PIK3CD: variants seen among roughly 807,000 people sequenced by gnomAD.
The protein encoded by PIK3CD is phosphatidylinositol-4,5-bisphosphate 3-kinase catalytic subunit delta, also known as phosphatidylinositol 4,5-bisphosphate 3-kinase catalytic subunit delta isoform.
Under a neutral mutation model 122.9 loss-of-function variants are expected in PIK3CD, and 20 were observed. That is an observed-to-expected ratio of 0.16 (90% CI 0.11 to 0.24). PIK3CD has a LOEUF of 0.24. PIK3CD is among the 10% of genes least tolerant of loss of function. The pLI is 1.00. For missense variants in PIK3CD, 787 were observed against 1,406.3 expected, an observed-to-expected ratio of 0.56 and a Z score of 7.04; for synonymous variants, 596 against 593.4, an observed-to-expected ratio of 1.00 and a Z score of -0.06.
chr1:9,697,758 C>T (rs1341906044), intron 2 of PIK3CD, among the ~76,000 whole-genome samples: 4 of 151,750 alleles, frequency 2.6e-5, no homozygotes, highest in African/African-American at 9.7e-5. Context: ...GTGCTGAGCG[C>T]GGTGGCTCAC....
intron 23 of PIK3CD, among the ~76,000 whole-genome samples, chr1:9,725,196 G>T (rs1649324333): frequency 6.6e-6 from 1 of 152,218 alleles, no homozygotes; most frequent in Non-Finnish European, 1.5e-5. Flanking sequence ...CTGTGCTCAG[G>T]GCTGCGGGGC....
intron 2 of PIK3CD, among the ~76,000 whole-genome samples, chr1:9,705,110 T>G (rs1185869026): frequency 6.6e-6 from 1 of 152,114 alleles, no homozygotes; most frequent in Non-Finnish European, 1.5e-5. Context: ...AAGTCTTTGC[T>G]TAAAGAATAA....
At chr1:9,672,725 G>A (rs895305924) in intron 1 of PIK3CD, 1 of 152,098 alleles carries the variant, frequency 6.6e-6, no homozygotes, top group African/African-American at 2.4e-5. Context: ...CGTGCCTGGT[G>A]GAGAAACGAA....
intron 2 of PIK3CD, among the ~76,000 whole-genome samples, chr1:9,695,036 G>GA (rs1304060492): frequency 4.0e-5 from 6 of 149,934 alleles, no homozygotes; most frequent in South Asian, 2.1e-4. Flanking sequence ...CAAATGAACA[G>GA]AAAAAAAAAT....
chr1:9,676,218 C>T, intron 1 of PIK3CD, among the ~76,000 whole-genome samples: 1 of 151,954 alleles, frequency 6.6e-6, no homozygotes, highest in Non-Finnish European at 1.5e-5. Context: ...GTGTGAGCCA[C>T]CGCACCCAGC....
At position 9,720,482 on chromosome 1, in the gene PIK3CD, C is replaced by T; in HGVS notation, c.1471-129C>T. 6.7e-7 allele frequency: 1 copy of T among 1,502,026 alleles called. No individual in the cohort carries two copies. Among genetic ancestry groups the T allele is most frequent in the Non-Finnish European group, 9.0e-7 (1 of 1,116,108 alleles). 93.0% of individuals were successfully genotyped at this position (1,502,026 alleles called of 1,614,324 possible). Reference sequence around the variant, plus strand: ...ATCTCGTGAGTGGAGGCCAGAGCTGCTGTGGATGCGCCTCCATGCAGAGGA... The same window carrying T: ...ATCTCGTGAGTGGAGGCCAGAGCTGTTGTGGATGCGCCTCCATGCAGAGGA... On this transcript the variant is annotated intron_variant, in intron 11 of 23. Transcript: ENST00000377346. This position sits in a 1 kb window ranked among gnomAD's most constrained non-coding sequence, Gnocchi z 9.0.
At position 9,717,698 on chromosome 1, in the gene PIK3CD, T is replaced by C. The variant is rs1570367167; in HGVS notation, c.1020+72T>C. ...ACAAGGTGGCTGTATCCTGGAGGGGTAGCAGAGGAAGGAGGGGGATCACAT... is the reference window on the plus strand; with the variant it reads ...ACAAGGTGGCTGTATCCTGGAGGGGCAGCAGAGGAAGGAGGGGGATCACAT... On this transcript the variant is annotated intron_variant, in intron 8 of 23. Coordinates refer to ENST00000377346, the MANE Select transcript of PIK3CD (RefSeq NM_005026.5). The surrounding 1 kb of genome is among the most constrained non-coding windows in gnomAD (Gnocchi z 5.4). 1 of 1,363,934 alleles carries C rather than the reference T, an allele frequency of 7.3e-7. No homozygotes were observed. The highest frequency in any genetic ancestry group is 1.2e-5 in the South Asian group (1 of 84,062). 84.5% of individuals were successfully genotyped at this position (1,363,934 alleles called of 1,614,324 possible).
the PIK3CD span, among the ~76,000 whole-genome samples, chr1:9,640,080 C>T: frequency 6.6e-6 from 1 of 151,854 alleles, no homozygotes; most frequent in African/African-American, 2.4e-5. Context: ...GTTGTTCTAG[C>T]TTTGGCCACT....
At position 9,715,453 on chromosome 1, in the gene PIK3CD, C is replaced by T; in HGVS notation, c.142-88C>T. The T allele has an allele frequency of 8.6e-7, 1 of 1,164,858 alleles. No individual in the cohort carries two copies. The highest frequency in any genetic ancestry group is 2.5e-5 in the East Asian group (1 of 40,292). 72.2% of individuals were successfully genotyped at this position (1,164,858 alleles called of 1,614,324 possible). On this transcript the variant is annotated intron_variant, in intron 3 of 23. Transcript: ENST00000377346. The surrounding 1 kb of genome is among the most constrained non-coding windows in gnomAD (Gnocchi z 4.1). ...CCTCTGGGAGGTTTGGACCCCCAGG[C>T]TGGAGGCCAGCTCTCCACCCTCCCT...
intron 1 of PIK3CD, among the ~76,000 whole-genome samples, chr1:9,674,651 C>T (rs1339729647): frequency 4.1e-5 from 6 of 146,586 alleles, no homozygotes; most frequent in Non-Finnish European, 8.9e-5. Flanking sequence ...GATCATGCCA[C>T]TGCACCACTC....
rs781444461 is a variant in PIK3CD, at chr1:9,722,283, C to T, written c.2274C>T (p.Pro758=). 2 of 1,613,720 alleles carry T rather than the reference C, an allele frequency of 1.2e-6. No individual in the cohort carries two copies. The highest frequency in any genetic ancestry group is 1.7e-6 in the Non-Finnish European group (2 of 1,179,938). ...CCTTCATGGACTCCAAGATGAAGCC[C>T]CTGTGGATCATGTACAGCAACGAGG... The part of the protein sequence containing the change: ...QCTFMDSKMK[P]LWIMYSNEEA... The change falls in exon 18 of 24, where the codon CCC becomes CCT. Residue 758 remains proline, a synonymous_variant. Transcript: ENST00000377346. The surrounding 1 kb of genome is among the most constrained non-coding windows in gnomAD (Gnocchi z 7.6).
intron 23 of PIK3CD, 22 bp from the exon 24 acceptor site, chr1:9,726,887 C>T (rs1469728586): frequency 8.1e-6 from 13 of 1,613,554 alleles, no homozygotes; most frequent in African/African-American, 1.3e-5. Flanking sequence ...TTAACGTGGA[C>T]ACCGCTGTGA....
In PIK3CD at chr1:9,710,126, C is replaced by T. The variant is rs932442403; in HGVS notation, c.-32-298C>T. Reference sequence around the variant, plus strand: ...CCAGCTGGTGGCCATGACTGGCTTTCGTGGATGTGTATGTTCCTGAGGAAA... The same window carrying T: ...CCAGCTGGTGGCCATGACTGGCTTTTGTGGATGTGTATGTTCCTGAGGAAA... On this transcript the variant is annotated intron_variant, in intron 2 of 23. Transcript: ENST00000377346. The surrounding 1 kb of genome is among the most constrained non-coding windows in gnomAD (Gnocchi z 4.7). The T allele has an allele frequency of 2.6e-5, 10 of 386,450 alleles. No homozygotes were observed. The highest frequency in any genetic ancestry group is 8.6e-4 in the Middle Eastern group (1 of 1,166). The allele number at this position is 386,450 out of a possible 1,614,324, so 23.9% of individuals were successfully genotyped here. A position where few individuals can be genotyped will look rare whatever the true frequency, so the allele number is the denominator to read the frequency against.
intron 1 of PIK3CD, among the ~76,000 whole-genome samples, chr1:9,658,521 A>AT (rs1165670404): frequency 0.093 from 8,476 of 90,890 alleles, 683 homozygotes; most frequent in African/African-American, 0.16. Flanking sequence ...TCCCAGCCAC[A>AT]TTTTTTTTTT....
rs1646576139 is a variant in PIK3CD, at chr1:9,700,234, G to T, written c.-33+8663G>T. Among the ~76,000 whole-genome samples the T allele has an allele frequency of 6.6e-6, 1 of 152,070 alleles. No homozygotes were observed. Among genetic ancestry groups the T allele is most frequent in the Non-Finnish European group, 1.5e-5 (1 of 68,022 alleles). On this transcript the variant is annotated intron_variant, in intron 2 of 23. Transcript: ENST00000377346. The surrounding 1 kb of genome is among the most constrained non-coding windows in gnomAD (Gnocchi z 5.1). ...CAGCCTCCCCCTCGCAGGTTCAAGT[G>T]ATTCTCGTGGCTCAGCCTCCCAATA...
rs772145494 is a variant in PIK3CD, at chr1:9,723,516, T to TA, written c.2594+230dup. ...CAACACCATCCAAAGCGCAGGGCTTTAAAAAACAGCCATTTACGATTGGCT... is the reference window on the plus strand; with the variant it reads ...CAACACCATCCAAAGCGCAGGGCTTTAAAAAAACAGCCATTTACGATTGGCT... On this transcript the variant is annotated intron_variant, in intron 20 of 23. Coordinates refer to ENST00000377346, the MANE Select transcript of PIK3CD (RefSeq NM_005026.5). This position sits in a 1 kb window ranked among gnomAD's most constrained non-coding sequence, Gnocchi z 4.9. 3.5e-4 allele frequency among the ~76,000 whole-genome samples: 54 copies of TA among 152,160 alleles called. No individual in the cohort carries two copies. The highest frequency in any genetic ancestry group is 7.1e-4 in the Non-Finnish European group (48 of 68,022).
chr1:9,667,370 A>G (rs981865285), intron 1 of PIK3CD, among the ~76,000 whole-genome samples: 11 of 151,630 alleles, frequency 7.3e-5, no homozygotes, highest in African/African-American at 1.7e-4. Context: ...ATTGAATAAT[A>G]TTGAAAGAAT....
intron 1 of PIK3CD, among the ~76,000 whole-genome samples, chr1:9,659,212 G>A (rs527655184): frequency 1.3e-5 from 2 of 152,082 alleles, no homozygotes; most frequent in Non-Finnish European, 2.9e-5. Context: ...TAATGCACGC[G>A]GGGCTTAATA....
At chr1:9,698,179 G>T (rs1247674055) in intron 2 of PIK3CD, among the ~76,000 whole-genome samples, 1 of 151,856 alleles carries the variant, frequency 6.6e-6, no homozygotes, top group Non-Finnish European at 1.5e-5. Context: ...TTTCGCTCTT[G>T]TTGCCCAGGC....
Sources: gnomAD v4.1 joint callset for allele counts (sites outside exome capture counted in the v4.1 genomes callset) on GRCh38, gnomAD v4.1.1 for gene constraint, Gnocchi (gnomAD v3.1) non-coding constraint, MANE v1.5 for transcripts, NCBI Gene and HGNC (gene_info 2026-07-23, HGNC 2026-07-21) for gene names.